GNAI2: variants seen among roughly 807,000 people sequenced by gnomAD.
GNAI2 encodes guanine nucleotide-binding protein G(i) subunit alpha-2.
A neutral mutation model predicts 36.8 loss-of-function variants in GNAI2; 4 were observed. The ratio of observed to expected loss-of-function variants is 0.11; its 90% CI spans 0.05 to 0.25. The LOEUF (loss-of-function observed/expected upper bound fraction) is 0.25. Among genes scored for constraint, GNAI2 ranks in the 10% least tolerant of loss-of-function variants. GNAI2 has a pLI of 1.00. For synonymous variants in GNAI2, 194 were observed against 194.1 expected, an observed-to-expected ratio of 1.00 and a Z score of 0.01; for missense variants, 230 against 481.3, an observed-to-expected ratio of 0.48 and a Z score of 4.89.
Position 50,257,493 on chromosome 3 carries a change from C to A in GNAI2, c.878-7C>A. On this transcript the variant is annotated splice_region_variant and splice_polypyrimidine_tract_variant and intron_variant, in intron 7 of 8. Coordinates refer to ENST00000313601, the MANE Select transcript of GNAI2 (RefSeq NM_002070.4). The stretch of plus-strand genomic sequence containing the variant: ...TGCAGCACAAGTCTTCATTTTCTCT[C>A]CCCCAGGGGCCAACAAATATGATGA... The A allele has an allele frequency of 6.5e-7, 1 of 1,543,474 alleles. No individual in the cohort carries two copies.
At chr3:50,244,070 C>T (rs970436896) in intron 1 of GNAI2, among the ~76,000 whole-genome samples, 16 of 150,106 alleles carry the variant, frequency 1.1e-4, no homozygotes, top group African/African-American at 3.4e-4. Flanking sequence ...ACTCTGTCAC[C>T]CAGGCTGGAG....
rs1436072415 is a variant in GNAI2 at position 50,253,782 on chromosome 3, A to G, written c.464+598A>G. ...GTTCTGTGCCAGGCTTCAAGGACAC[A>G]GTGATGAGTGGAGCAAAGTCCCCAT... On this transcript the variant is annotated intron_variant, in intron 4 of 8. Transcript: ENST00000313601. This position sits in a 1 kb window ranked among gnomAD's most constrained non-coding sequence, Gnocchi z 4.2. 6.6e-6 allele frequency among the ~76,000 whole-genome samples: 1 copy of G among 152,220 alleles called. No homozygotes were observed. Among genetic ancestry groups the G allele is most frequent in the Non-Finnish European group, 1.5e-5 (1 of 68,040 alleles).
At chr3:50,245,820 T>C (rs587710314) in intron 1 of GNAI2, among the ~76,000 whole-genome samples, 276 of 152,306 alleles carry the variant, frequency 1.8e-3, no homozygotes, top group African/African-American at 6.2e-3. Context: ...GAGGCCTCAG[T>C]TTCCCTAACA....
chr3:50,246,253 G>C (rs1173615944), intron 1 of GNAI2, among the ~76,000 whole-genome samples: 1 of 152,312 alleles, frequency 6.6e-6, no homozygotes, highest in African/African-American at 2.4e-5. Context: ...GGGCTGGTGG[G>C]TGGGACACCT....
At chr3:50,251,817 G>C in intron 1 of GNAI2, 2 of 1,284,602 alleles carry the variant, frequency 1.6e-6, no homozygotes, top group South Asian at 1.5e-5. Flanking sequence ...AGACCCCCCA[G>C]GACAGTGGGG....
At chr3:50,228,098 G>A (rs1454752018), upstream of GNAI2, among the ~76,000 whole-genome samples, 1 of 152,082 alleles carries the variant, frequency 6.6e-6, no homozygotes, top group Non-Finnish European at 1.5e-5. Context: ...ATTGCTCCCC[G>A]CCCCCTCACC....
At chr3:50,240,273 C>G (rs1700270251) in intron 1 of GNAI2, among the ~76,000 whole-genome samples, 1 of 152,072 alleles carries the variant, frequency 6.6e-6, no homozygotes, top group African/African-American at 2.4e-5. Flanking sequence ...AGGAGGGGGT[C>G]TGCTGGGCAG....
chr3:50,250,982 G>A (rs1700544128), intron 1 of GNAI2, among the ~76,000 whole-genome samples: 2 of 151,946 alleles, frequency 1.3e-5, no homozygotes, highest in African/African-American at 2.4e-5. Context: ...GCTAGTTTTT[G>A]TTATTTTTAG....
At position 50,252,369 on chromosome 3, in the gene GNAI2, A is replaced by G. The variant is rs2109210517; in HGVS notation, c.162-28A>G. On this transcript the variant is annotated intron_variant, in intron 2 of 8. Coordinates refer to ENST00000313601, the MANE Select transcript of GNAI2 (RefSeq NM_002070.4). This position sits in a 1 kb window ranked among gnomAD's most constrained non-coding sequence, Gnocchi z 4.1. ...TGGGAACTCCCAGTGCCCAGGGGACACTAACCTTCCTGGTCCCTGGCTATC... is the reference window on the plus strand; with the variant it reads ...TGGGAACTCCCAGTGCCCAGGGGACGCTAACCTTCCTGGTCCCTGGCTATC... 1 of 1,612,826 alleles carries G rather than the reference A, an allele frequency of 6.2e-7. No homozygotes were observed. Among genetic ancestry groups the G allele is most frequent in the Middle Eastern group, 1.7e-4 (1 of 6,058 alleles).
At position 50,252,421 on chromosome 3, in the gene GNAI2, C is replaced by T. The variant is rs762707; in HGVS notation, c.186C>T (p.Ser62=). Reference sequence around the variant, plus strand: ...GGATCATCCACGAGGATGGCTACTCCGAGGAGGAATGCCGGCAGTACCGGG... The same window carrying T: ...GGATCATCCACGAGGATGGCTACTCTGAGGAGGAATGCCGGCAGTACCGGG... ...QMKIIHEDGY[S]EEECRQYRAV... Residue 62 remains serine (S), a synonymous_variant, in exon 3 of 9, where the codon TCC becomes TCT. Transcript: ENST00000313601. The surrounding 1 kb of genome is among the most constrained non-coding windows in gnomAD (Gnocchi z 4.1). The T allele has an allele frequency of 0.019, 30,260 of 1,613,630 alleles. 386 individuals carry two copies. Among genetic ancestry groups the T allele is most frequent in the Middle Eastern group, 0.059 (360 of 6,062 alleles).
At chr3:50,247,138 T>C in intron 1 of GNAI2, 2 of 703,226 alleles carry the variant, frequency 2.8e-6, no homozygotes, top group Admixed American at 2.0e-5. Context: ...ACCTGAATGC[T>C]CACATGTGCC....
upstream of GNAI2, chr3:50,227,160 C>A: frequency 2.1e-6 from 3 of 1,445,626 alleles, no homozygotes; most frequent in Non-Finnish European, 2.7e-6. This position sits in a 1 kb window ranked among gnomAD's most constrained non-coding sequence, Gnocchi z 5.9. Context: ...CTGGACGAAG[C>A]AGAAAGGCGG....
upstream of GNAI2, among the ~76,000 whole-genome samples, chr3:50,235,694 G>A (rs1483082773): frequency 5.3e-5 from 8 of 152,084 alleles, no homozygotes; most frequent in East Asian, 1.5e-3. Context: ...TGAGAAAACC[G>A]CAGTCCAGAA....
At chr3:50,257,818 A>T in intron 8 of GNAI2, 104 bp downstream of exon 8, 1 of 380,748 alleles carries the variant, frequency 2.6e-6, no homozygotes. Flanking sequence ...CTGGAGGGGG[A>T]GGGGCAATAG....
At chr3:50,229,162 T>C (rs917675621), upstream of GNAI2, 7 of 152,188 alleles carry the variant, frequency 4.6e-5, no homozygotes, top group Admixed American at 3.3e-4. Flanking sequence ...CAAGGAGGAC[T>C]AGGCAATAAC....
chr3:50,233,887 A>G (rs938576335), upstream of GNAI2, among the ~76,000 whole-genome samples: 2 of 146,314 alleles, frequency 1.4e-5, no homozygotes, highest in Non-Finnish European at 3.0e-5. Flanking sequence ...ATGTGTAACA[A>G]GGTTCTTTTT....
rs1309158701 is a variant in GNAI2 at position 50,258,904 on chromosome 3, A to C, written c.*561A>C. On this transcript the variant is annotated 3_prime_UTR_variant, in exon 9 of 9. Transcript: ENST00000313601. The stretch of plus-strand genomic sequence containing the variant: ...TAAAAAAATGAAAGTAAAGGAAAAA[A>C]AAAAAACTGCAAATCTAGAAAACTT... 4.5e-6 allele frequency: 2 copies of C among 443,936 alleles called. No individual in the cohort carries two copies. Among genetic ancestry groups the C allele is most frequent in the African/African-American group, 2.0e-5 (1 of 48,934 alleles). The allele number at this position is 443,936 out of a possible 1,614,324, so 27.5% of individuals were successfully genotyped here. A position where few individuals can be genotyped will look rare whatever the true frequency, so the allele number is the denominator to read the frequency against.
intron 1 of GNAI2, among the ~76,000 whole-genome samples, chr3:50,243,681 T>G (rs781864415): frequency 6.6e-6 from 1 of 152,240 alleles, no homozygotes; most frequent in East Asian, 1.9e-4. Context: ...GGGACTGATA[T>G]TACACCCATT....
At position 50,236,570 on chromosome 3, in the gene GNAI2, A is replaced by C; in HGVS notation, c.118+117A>C. 7.3e-7 allele frequency: 1 copy of C among 1,374,752 alleles called. No homozygotes were observed. Among genetic ancestry groups the C allele is most frequent in the Non-Finnish European group, 9.6e-7 (1 of 1,043,834 alleles). The allele number at this position is 1,374,752 out of a possible 1,614,324, so 85.2% of individuals were successfully genotyped here. A position where few individuals can be genotyped will look rare whatever the true frequency, so the allele number is the denominator to read the frequency against. On this transcript the variant is annotated intron_variant, in intron 1 of 8. Coordinates refer to ENST00000313601, the MANE Select transcript of GNAI2 (RefSeq NM_002070.4). This position sits in a 1 kb window ranked among gnomAD's most constrained non-coding sequence, Gnocchi z 4.0. ...AGACCCGGGCTGTCTGGGACCCCAC[A>C]CCTGGGCCAGGACCAGGGTTGAAAA...
Sources: gnomAD v4.1 joint callset for allele counts (sites outside exome capture counted in the v4.1 genomes callset) on GRCh38, gnomAD v4.1.1 for gene constraint, Gnocchi (gnomAD v3.1) non-coding constraint, MANE v1.5 for transcripts, NCBI Gene and HGNC (gene_info 2026-07-23, HGNC 2026-07-21) for gene names.